Variants in RBFOX1 observed in about 807,000 individuals in gnomAD.
RBFOX1 encodes RNA binding protein fox-1 homolog 1.
RBFOX1 carries 8 observed loss-of-function variants against 57.7 expected under a neutral mutation model. The ratio of observed to expected loss-of-function variants is 0.14; its 90% CI spans 0.08 to 0.25. The LOEUF is 0.25. RBFOX1 is among the 10% of genes least tolerant of loss of function. RBFOX1 has a pLI of 1.00. For synonymous variants in RBFOX1, 326 were observed against 222.4 expected (o/e 1.47, Z -4.15); for missense variants, 611 against 548.5 (o/e 1.11, Z -1.14).
chr16:5,676,742 A>T (rs111607174), intron 3 of RBFOX1, among the ~76,000 whole-genome samples: 492 of 152,270 alleles, frequency 3.2e-3, no homozygotes, highest in African/African-American at 0.011. Context: ...CATGCCTGCA[A>T]TTCCACCTAC....
At chr16:6,924,165 T>A (rs2075074061) in intron 3 of RBFOX1, among the ~76,000 whole-genome samples, 1 of 90,928 alleles carries the variant, frequency 1.1e-5, no homozygotes, top group African/African-American at 4.2e-5. Flanking sequence ...AGACTCTGTC[T>A]CAAAAATAAT....
At chr16:7,064,042 G>T (rs12932433) in intron 4 of RBFOX1, among the ~76,000 whole-genome samples, 102,641 of 151,990 alleles carry the variant, frequency 0.68, 35,085 homozygotes, top group South Asian at 0.74. Context: ...AGTCATACAT[G>T]GAAGTTCTAG....
At chr16:7,402,558 T>TTCGGTAGTGGAAAGATGATTATTCC (rs2098262964) in intron 4 of RBFOX1, among the ~76,000 whole-genome samples, 1 of 152,188 alleles carries the variant, frequency 6.6e-6, no homozygotes, top group African/African-American at 2.4e-5. Flanking sequence ...GTATGTGAAC[T>TTCGGTAGTGGAAAGATGATTATTCC]TTGGTAGTGG....
At chr16:7,311,600 T>C (rs982284203) in intron 4 of RBFOX1, among the ~76,000 whole-genome samples, 1 of 151,708 alleles carries the variant, frequency 6.6e-6, no homozygotes, top group African/African-American at 2.4e-5. Context: ...CAGCTTCCTC[T>C]TGCTCTGCCT....
In RBFOX1 at chr16:6,816,135, C is replaced by A. The variant is rs539314387; in HGVS notation, c.-16+161485C>A. On this transcript the variant is annotated intron_variant, in intron 3 of 15. Transcript: ENST00000550418. ...CCAGCCTGTGCAACATGAGGAGACCCCGTCTCTACAAAATTTTTATTTTTA... is the reference window on the plus strand; with the variant it reads ...CCAGCCTGTGCAACATGAGGAGACCACGTCTCTACAAAATTTTTATTTTTA... Among the ~76,000 whole-genome samples, 27 of 152,146 alleles carry A rather than the reference C, an allele frequency of 1.8e-4. No individual in the cohort carries two copies. In the East Asian group the frequency reaches 5.2e-3, roughly 30 times the overall value.
intron 4 of RBFOX1, among the ~76,000 whole-genome samples, chr16:7,485,988 C>A (rs1203840052): frequency 2.6e-5 from 4 of 152,128 alleles, no homozygotes; most frequent in Non-Finnish European, 5.9e-5. Flanking sequence ...AATGTATGCC[C>A]CATAGAGCTG....
intron 4 of RBFOX1, among the ~76,000 whole-genome samples, chr16:7,116,591 G>T (rs2065951865): frequency 6.6e-6 from 1 of 152,098 alleles, no homozygotes; most frequent in African/African-American, 2.4e-5. Context: ...AAACCTTTTG[G>T]AAAAGAAAAA....
intron 11 of RBFOX1, among the ~76,000 whole-genome samples, chr16:7,633,208 CAGA>C (rs1568197310): frequency 6.6e-6 from 1 of 152,166 alleles, no homozygotes; most frequent in East Asian, 1.9e-4. Flanking sequence ...CGGCTCTTTA[CAGA>C]AGAAGTGTAC....
intron 3 of RBFOX1, among the ~76,000 whole-genome samples, chr16:5,661,569 G>C (rs1384683274): frequency 2.6e-5 from 4 of 152,194 alleles, no homozygotes; most frequent in African/African-American, 9.7e-5. Flanking sequence ...GACAAAACTT[G>C]TATATGTTTA....
chr16:6,736,040 G>C (rs568571486), intron 3 of RBFOX1, among the ~76,000 whole-genome samples: 1 of 149,430 alleles, frequency 6.7e-6, no homozygotes. Context: ...TTTCAGCATG[G>C]TTACCCCAAT....
intron 1 of RBFOX1, among the ~76,000 whole-genome samples, chr16:5,352,531 G>T (rs1437341299): frequency 6.6e-6 from 1 of 152,140 alleles, no homozygotes. Flanking sequence ...ACCCATTTGA[G>T]AGTCAGTAGC....
chr16:7,666,379 A>C (rs1243466035), intron 13 of RBFOX1, among the ~76,000 whole-genome samples: 1 of 117,710 alleles, frequency 8.5e-6, no homozygotes, highest in Non-Finnish European at 1.7e-5. Flanking sequence ...CTCCAGCAAC[A>C]CCTACCCAAG....
chr16:5,577,977 GAGTC>G (rs1408248795), intron 2 of RBFOX1, among the ~76,000 whole-genome samples: 1 of 2,624 alleles, frequency 3.8e-4, no homozygotes, highest in East Asian at 0.5. Flanking sequence ...TTTTGAGACA[GAGTC>G]TCTCTCTGTT....
chr16:6,304,693 G>T (rs2079243758), intron 1 of RBFOX1, among the ~76,000 whole-genome samples: 1 of 151,996 alleles, frequency 6.6e-6, no homozygotes, highest in East Asian at 1.9e-4. Flanking sequence ...GACCAGCCTG[G>T]CCAACATGGT....
At chr16:6,352,444 A>G (rs556144531) in intron 2 of RBFOX1, among the ~76,000 whole-genome samples, 6 of 152,342 alleles carry the variant, frequency 3.9e-5, no homozygotes, top group African/African-American at 9.6e-5. Context: ...ATGACCATCA[A>G]TGATCAATCA....
At chr16:7,621,811 A>G (rs925773491) in intron 10 of RBFOX1, among the ~76,000 whole-genome samples, 5 of 152,194 alleles carry the variant, frequency 3.3e-5, no homozygotes, top group African/African-American at 1.2e-4. Context: ...CTGATCAGCA[A>G]ACTTTGTCTG....
Position 6,548,165 on chromosome 16 carries a change from C to G in RBFOX1, c.-63-106438C>G, listed in dbSNP as rs747708998. Among the ~76,000 whole-genome samples, 82 of 152,074 alleles carry G rather than the reference C, an allele frequency of 5.4e-4. 2 individuals are homozygous for G. Among genetic ancestry groups the G allele is most frequent in the Non-Finnish European group, 1.5e-4 (10 of 68,020 alleles). ...TAAATGTGTCACTTTACTGACATGC[C>G]TTGAATATTGTGAGTCTTGGGTATT... On this transcript the variant is annotated intron_variant, in intron 2 of 15. Coordinates refer to ENST00000550418, the MANE Select transcript of RBFOX1 (RefSeq NM_018723.4).
intron 4 of RBFOX1, among the ~76,000 whole-genome samples, chr16:7,069,393 C>T (rs1445825453): frequency 6.6e-6 from 1 of 152,106 alleles, no homozygotes; most frequent in African/African-American, 2.4e-5. Flanking sequence ...GGTTCCCCTT[C>T]ATGTTTCTGT....
chr16:5,808,347 T>C (rs2055302369), intron 3 of RBFOX1, among the ~76,000 whole-genome samples: 1 of 152,208 alleles, frequency 6.6e-6, no homozygotes, highest in South Asian at 2.1e-4. Context: ...TGAAGTCAGG[T>C]AGCTTGATGC....
Sources: allele counts gnomAD v4.1 joint callset (sites outside exome capture counted in the v4.1 genomes callset), GRCh38; gene constraint gnomAD v4.1.1; transcripts MANE v1.5; gene names NCBI Gene and HGNC (gene_info 2026-07-23, HGNC 2026-07-21).